Variants in ARB2A observed in about 807,000 individuals in gnomAD.
The protein encoded by ARB2A is cotranscriptional regulator ARB2A.
At chr5:93,621,119 A>G in the ARB2A span, 1 of 1,611,592 alleles carries the variant, frequency 6.2e-7, no homozygotes. Context: ...TTAGCTCGTG[A>G]CGGTCGGTGC....
At chr5:93,928,318 C>G in the ARB2A span, among the ~76,000 whole-genome samples, 10 of 152,288 alleles carry the variant, frequency 6.6e-5, no homozygotes, top group South Asian at 2.1e-3. Flanking sequence ...CCCTGAATGT[C>G]TAACGGACCA....
chr5:93,619,458 T>C, the ARB2A span: 1 of 152,210 alleles, frequency 6.6e-6, no homozygotes, highest in Non-Finnish European at 1.5e-5. Context: ...CGGTTCATAA[T>C]ATAAAAACAT....
the ARB2A span, among the ~76,000 whole-genome samples, chr5:94,027,041 C>T: frequency 6.6e-6 from 1 of 152,306 alleles, no homozygotes; most frequent in African/African-American, 2.4e-5. Flanking sequence ...TGGCAGTAGA[C>T]ATAAGACTCC....
chr5:93,742,653 C>A, the ARB2A span, among the ~76,000 whole-genome samples: 65 of 152,300 alleles, frequency 4.3e-4, no homozygotes, highest in African/African-American at 1.5e-3. Flanking sequence ...TCTGTCCCCA[C>A]CCACATCTAT....
chr5:93,760,112 G>A, the ARB2A span, among the ~76,000 whole-genome samples: 12,715 of 151,966 alleles, frequency 0.084, 802 homozygotes, highest in African/African-American at 0.17. Context: ...GCGACCAAGC[G>A]GAGAATCAAA....
At chr5:93,921,689 C>T in the ARB2A span, among the ~76,000 whole-genome samples, 1 of 152,144 alleles carries the variant, frequency 6.6e-6, no homozygotes, top group Non-Finnish European at 1.5e-5. Flanking sequence ...GTTTTGTGCA[C>T]ATGCATTCAG....
At chr5:93,891,786 C>A in the ARB2A span, among the ~76,000 whole-genome samples, 2 of 152,058 alleles carry the variant, frequency 1.3e-5, no homozygotes, top group South Asian at 2.1e-4. Context: ...AAGATTTTAA[C>A]CGCCAGAGCA....
the ARB2A span, among the ~76,000 whole-genome samples, chr5:93,936,545 G>A: frequency 3.7e-4 from 56 of 151,972 alleles, no homozygotes; most frequent in Admixed American, 7.2e-4. Context: ...ATTTTTCAGC[G>A]GTAAAAATTA....
At chr5:93,683,028 C>G in the ARB2A span, 12,312 of 1,574,842 alleles carry the variant, frequency 7.8e-3, 773 homozygotes, top group African/African-American at 0.15. Context: ...GGAGTTTTTT[C>G]CTGTTTTTTG....
the ARB2A span, among the ~76,000 whole-genome samples, chr5:93,894,145 T>C: frequency 6.6e-6 from 1 of 152,216 alleles, no homozygotes; most frequent in African/African-American, 2.4e-5. Flanking sequence ...TTGTGTAAAG[T>C]TGAAGTACAT....
the ARB2A span, among the ~76,000 whole-genome samples, chr5:94,025,185 T>C: frequency 1.4e-4 from 21 of 152,214 alleles, no homozygotes; most frequent in Admixed American, 1.3e-4. Context: ...TGGTCTGCCA[T>C]AACAAAATAC....
At chr5:93,821,837 CTT>C in the ARB2A span, among the ~76,000 whole-genome samples, 3 of 150,344 alleles carry the variant, frequency 2.0e-5, no homozygotes, top group Non-Finnish European at 4.4e-5. Flanking sequence ...AGGAACCAGT[CTT>C]TATTCATTTG....
the ARB2A span, among the ~76,000 whole-genome samples, chr5:93,934,480 T>C: frequency 1.3e-5 from 2 of 152,188 alleles, no homozygotes; most frequent in African/African-American, 4.8e-5. Flanking sequence ...GGAATGACCC[T>C]ATTTCTAGGT....
the ARB2A span, among the ~76,000 whole-genome samples, chr5:93,992,265 G>C: frequency 2.0e-5 from 3 of 151,982 alleles, no homozygotes; most frequent in South Asian, 6.2e-4. Flanking sequence ...AAATATTACA[G>C]TAAGTTCTTT....
chr5:93,896,659 C>T, the ARB2A span, among the ~76,000 whole-genome samples: 1 of 151,914 alleles, frequency 6.6e-6, no homozygotes, highest in African/African-American at 2.4e-5. Flanking sequence ...AAAGGTAATT[C>T]ATGTTAAAAG....
the ARB2A span, among the ~76,000 whole-genome samples, chr5:93,944,886 A>G: frequency 6.6e-6 from 1 of 152,202 alleles, no homozygotes; most frequent in South Asian, 2.1e-4. Context: ...AAGTGCCTCC[A>G]GAAGGATAAA....
At chr5:93,633,095 A>G in the ARB2A span, among the ~76,000 whole-genome samples, 2 of 152,150 alleles carry the variant, frequency 1.3e-5, no homozygotes, top group African/African-American at 4.8e-5. Flanking sequence ...GCATTCTCTT[A>G]GCTACTCTAC....
chr5:93,991,336 G>A, the ARB2A span, among the ~76,000 whole-genome samples: 1 of 151,952 alleles, frequency 6.6e-6, no homozygotes, highest in Non-Finnish European at 1.5e-5. Flanking sequence ...TTGTTAAAAG[G>A]GAGACAACAA....
chr5:93,890,826 T>A, the ARB2A span, among the ~76,000 whole-genome samples: 4 of 152,072 alleles, frequency 2.6e-5, no homozygotes, highest in Non-Finnish European at 5.9e-5. Flanking sequence ...CTTACACTGG[T>A]TCGTTTATTC....
Sources: allele counts gnomAD v4.1 joint callset (sites outside exome capture counted in the v4.1 genomes callset), GRCh38; gene constraint gnomAD v4.1.1; transcripts MANE v1.5; gene names NCBI Gene and HGNC (gene_info 2026-07-23, HGNC 2026-07-21).